Variants in SDHD observed in about 807,000 individuals in gnomAD.
SDHD encodes succinate dehydrogenase complex subunit D.
In SDHD, 6 loss-of-function variants were observed where a neutral mutation model predicts 18.7. The observed-to-expected ratio is 0.32, with a 90% CI of 0.18 to 0.63. The LOEUF (loss-of-function observed/expected upper bound fraction) is 0.63, where lower values mean the gene tolerates loss of function less well. Ranked by LOEUF, SDHD falls within the 30% of genes least tolerant of loss-of-function variation. SDHD has a pLI of 0.79. For missense variants in SDHD, 160 were observed against 192.7 expected (o/e 0.83, Z 1.00); for synonymous variants, 56 against 73.9 (o/e 0.76, Z 1.24).
At chr11:112,089,522 G>T (rs764621824) in intron 3 of SDHD, among the ~76,000 whole-genome samples, 1 of 152,184 alleles carries the variant, frequency 6.6e-6, no homozygotes, top group Non-Finnish European at 1.5e-5. Flanking sequence ...TCTTAGGGTT[G>T]TCTGTAGACT....
In SDHD at chr11:112,088,917, G is replaced by GTT; in HGVS notation, c.223_224dup (p.Leu75PhefsTer12). 6.2e-7 allele frequency: 1 copy of GTT among 1,613,168 alleles called. No individual in the cohort carries two copies. The stretch of plus-strand genomic sequence containing the variant: ...CTGGACTAGCGAGAGGGTTGTCAGT[G>GTT]TTTTGCTCCTGGGTCTGCTTCCGGC... On this transcript the variant is annotated frameshift_variant, in exon 3 of 4. Transcript: ENST00000375549. LOFTEE classifies it high-confidence loss of function.
In SDHD at chr11:112,088,967, G is replaced by C. The variant is rs766656463; in HGVS notation, c.270G>C (p.Ala90=). 4 of 1,614,122 alleles carry C rather than the reference G, an allele frequency of 2.5e-6. No homozygotes were observed. The highest frequency in any genetic ancestry group is 3.3e-5 in the Admixed American group (2 of 60,020). ...LPAAYLNPCS[A]MDYSLAAALT... is the part of the protein sequence containing the mutation. ...CTGCTTATTTGAATCCTTGCTCTGC[G>C]ATGGACTATTCCCTGGCTGCAGCCC... The change falls in exon 3 of 4, where the codon GCG becomes GCC. Residue 90 remains alanine, a synonymous_variant. Transcript: ENST00000375549.
At chr11:112,089,906 T>G (rs911151024) in intron 3 of SDHD, among the ~76,000 whole-genome samples, 1 of 151,930 alleles carries the variant, frequency 6.6e-6, no homozygotes, top group Non-Finnish European at 1.5e-5. Context: ...ATCACCCAAA[T>G]GTATATCCCT....
intron 3 of SDHD, chr11:112,093,155 CT>C: frequency 2.6e-6 from 1 of 388,438 alleles, no homozygotes; most frequent in Non-Finnish European, 5.2e-6. Flanking sequence ...CAACCTCCGC[CT>C]TTCGGGTTCA....
At chr11:112,088,418 C>G (rs1381814222) in intron 2 of SDHD, 4 of 333,944 alleles carry the variant, frequency 1.2e-5, no homozygotes, top group Admixed American at 8.9e-5. Flanking sequence ...GGGCTGGTCT[C>G]AAACTCCTGA....
intron 1 of SDHD, 111 bp downstream of exon 1, chr11:112,087,070 C>T (rs559368739): frequency 1.2e-4 from 150 of 1,227,176 alleles, no homozygotes; most frequent in Non-Finnish European, 1.7e-4. Context: ...AAGAAAATAC[C>T]GAAATCACAG....
chr11:112,086,941 G>A lies in SDHD; in HGVS notation c.34G>A (p.Gly12Ser), dbSNP rs34677591. Residue 12 changes from glycine (G) to serine (S), a missense_variant, in exon 1 of 4, where the codon GGT becomes AGT. By Grantham distance (56) the Gly-to-Ser change is moderately conservative. Transcript: ENST00000375549. Reference sequence around the variant, plus strand: ...TCTCTGGAGGCTGAGTGCCGTTTGCGGTGCCCTAGGAGGCCGAGGTGAGGG... The same window carrying A: ...TCTCTGGAGGCTGAGTGCCGTTTGCAGTGCCCTAGGAGGCCGAGGTGAGGG... Reference protein sequence around the residue: ...AVLWRLSAVCGALGGRALLLR... With the variant: ...AVLWRLSAVCSALGGRALLLR... 8.4e-3 allele frequency: 13,555 copies of A among 1,614,148 alleles called. 73 individuals are homozygous for A. The highest frequency in any genetic ancestry group is 0.023 in the Middle Eastern group (140 of 6,062).
rs1447577443 is a variant in SDHD at position 112,095,663 on chromosome 11, C to T, written c.*693C>T. ...TTCTACTTGTTCTAAAACAATCTGT[C>T]CACAAATATAAAACTATAAGTAATA... is the stretch of plus-strand genomic sequence containing the variant. On this transcript the variant is annotated 3_prime_UTR_variant, in exon 4 of 4. Transcript: ENST00000375549. 2.7e-5 allele frequency: 6 copies of T among 224,314 alleles called. No individual in the cohort carries two copies. Among genetic ancestry groups the T allele is most frequent in the Admixed American group, 1.1e-4 (2 of 17,480 alleles). 13.9% of individuals were successfully genotyped at this position (224,314 alleles called of 1,614,324 possible). A position where few individuals can be genotyped will look rare whatever the true frequency, so the allele number is the denominator to read the frequency against.
At chr11:112,089,809 T>C (rs10789859) in intron 3 of SDHD, among the ~76,000 whole-genome samples, 47,609 of 152,054 alleles carry the variant, frequency 0.31, 8,214 homozygotes, top group East Asian at 0.59. Context: ...TCTTGCTTGT[T>C]TTATTTTTCT....
chr11:112,092,818 A>G (rs991871677), intron 3 of SDHD, among the ~76,000 whole-genome samples: 2 of 152,206 alleles, frequency 1.3e-5, no homozygotes, highest in African/African-American at 4.8e-5. Context: ...TTGTACAGGA[A>G]TGATCATAGC....
chr11:112,088,783 G>T (rs1865681142), intron 2 of SDHD, 84 bp from the exon 3 acceptor site: 5 of 1,473,758 alleles, frequency 3.4e-6, no homozygotes, highest in Non-Finnish European at 3.8e-6. Context: ...CTGCCTGTCA[G>T]TTTGGGTTAC....
intron 3 of SDHD, chr11:112,093,027 C>CTTTTTTTTT (rs1161641648): frequency 1.5e-5 from 2 of 135,696 alleles, no homozygotes; most frequent in South Asian, 7.1e-5. Context: ...TATTGTATGG[C>CTTTTTTTTT]TTTTTTTTTT....
chr11:112,090,249 C>T (rs958093457), intron 3 of SDHD, among the ~76,000 whole-genome samples: 4 of 152,172 alleles, frequency 2.6e-5, no homozygotes, highest in Non-Finnish European at 4.4e-5. Flanking sequence ...GCTGGGATTA[C>T]AGGCGTGCAC....
intron 2 of SDHD, 33 bp from the exon 3 acceptor site, chr11:112,088,834 C>T (rs1477859211): frequency 6.2e-7 from 1 of 1,611,754 alleles, no homozygotes; most frequent in Non-Finnish European, 8.5e-7. Context: ...GTGTTTCTCA[C>T]ATCAACTTTT....
At chr11:112,087,053 TGAG>T (rs961948952) in intron 1 of SDHD, 94 bp downstream of exon 1, 26 of 1,405,532 alleles carry the variant, frequency 1.8e-5, no homozygotes, top group African/African-American at 2.8e-5. Context: ...GGAGATCTCT[TGAG>T]GAGAAGAAAA....
chr11:112,088,572 T>C (rs967681470), intron 2 of SDHD: 7 of 440,420 alleles, frequency 1.6e-5, no homozygotes, highest in Non-Finnish European at 2.9e-5. Flanking sequence ...ACTGGCTTAA[T>C]TCTGTAGCAA....
At position 112,094,773 on chromosome 11, in the gene SDHD, T is replaced by A. The variant is rs4151637; in HGVS notation, c.315-32T>A. ...GTCTTCTAATTTCACTGTGGTTTTT[T>A]ATTGATGTTATGATTTTTTCTTTTT... On this transcript the variant is annotated intron_variant, in intron 3 of 3. Transcript: ENST00000375549. 7 of 1,598,232 alleles carry A rather than the reference T, an allele frequency of 4.4e-6. No individual in the cohort carries two copies. In the East Asian group the frequency reaches 1.6e-4, roughly 36 times the overall value.
intron 3 of SDHD, 86 bp downstream of exon 3, chr11:112,089,097 G>T (rs904059476): frequency 1.2e-5 from 17 of 1,455,734 alleles, no homozygotes; most frequent in Non-Finnish European, 1.5e-5. Flanking sequence ...GGGAGAAGTT[G>T]ATTGAAATGC....
intron 3 of SDHD, chr11:112,093,162 G>A (rs1272610243): frequency 1.0e-5 from 4 of 385,744 alleles, no homozygotes; most frequent in East Asian, 1.1e-4. Context: ...CGCCTTTCGG[G>A]TTCAAGCGAT....
Sources: gnomAD v4.1 joint callset for allele counts (sites outside exome capture counted in the v4.1 genomes callset) on GRCh38, gnomAD v4.1.1 for gene constraint, MANE v1.5 for transcripts, NCBI Gene and HGNC (gene_info 2026-07-23, HGNC 2026-07-21) for gene names.